NEK3: variants seen among roughly 807,000 people sequenced by gnomAD.
The protein encoded by NEK3 is serine/threonine-protein kinase Nek3.
A neutral mutation model predicts 66.0 loss-of-function variants in NEK3; 54 were observed. The observed-to-expected ratio is 0.82, with a 90% CI of 0.66 to 1.03. NEK3 has a LOEUF of 1.03. NEK3 is among the 50% of genes least tolerant of loss of function. The probability of loss-of-function intolerance (pLI) is 0.00; values close to 1 mark genes in which losing one functional copy is unlikely to be tolerated. For missense variants in NEK3, 593 were observed against 603.0 expected, an observed-to-expected ratio of 0.98 and a Z score of 0.17; for synonymous variants, 200 against 206.2, an observed-to-expected ratio of 0.97 and a Z score of 0.26.
intron 15 of NEK3, among the ~76,000 whole-genome samples, 193 bp downstream of exon 15, chr13:52,133,496 A>G (rs1249713736): frequency 6.6e-6 from 1 of 151,968 alleles, no homozygotes; most frequent in Non-Finnish European, 1.5e-5. Context: ...GAATTTTATA[A>G]TCATATTGTA....
intron 7 of NEK3, among the ~76,000 whole-genome samples, chr13:52,150,560 TG>T (rs933278912): frequency 3.3e-5 from 5 of 152,218 alleles, no homozygotes; most frequent in Non-Finnish European, 7.4e-5. Context: ...CAATCTTCCC[TG>T]CACATCCATC....
chr13:52,159,499 C>G (rs9535889), intron 1 of NEK3, 44 bp downstream of exon 1: 87,271 of 152,298 alleles, frequency 0.57, 27,075 homozygotes, highest in Middle Eastern at 0.71. Context: ...CACGCGCCGC[C>G]CTCCTCGTTC....
intron 5 of NEK3, among the ~76,000 whole-genome samples, chr13:52,151,898 A>G (rs1331471604): frequency 6.6e-6 from 1 of 152,194 alleles, no homozygotes; most frequent in Non-Finnish European, 1.5e-5. Flanking sequence ...TTGTATTCCA[A>G]TTGCCTAAGA....
chr13:52,133,246 A>C lies in NEK3; in HGVS notation c.1437-20T>G, dbSNP rs376310314. 105 of 1,573,352 alleles carry C rather than the reference A, an allele frequency of 6.7e-5. No homozygotes were observed. The highest frequency in any genetic ancestry group is 8.5e-5 in the Non-Finnish European group (98 of 1,153,300). On this transcript the variant is annotated intron_variant, in intron 15 of 15. Transcript: ENST00000610828. ...AAGTCCCTGTGAAAAAACAATTTGG[A>C]CCATAAACCTCTACATTAGGGGCAC...
intron 1 of NEK3, among the ~76,000 whole-genome samples, chr13:52,158,662 T>C (rs996882352): frequency 1.3e-5 from 2 of 152,168 alleles, no homozygotes; most frequent in African/African-American, 4.8e-5. Flanking sequence ...AAGACCTGAA[T>C]ACACTCTGGA....
intron 4 of NEK3, among the ~76,000 whole-genome samples, 172 bp from the exon 5 acceptor site, chr13:52,152,864 T>A (rs1956359259): frequency 6.6e-6 from 1 of 152,158 alleles, no homozygotes; most frequent in African/African-American, 2.4e-5. Flanking sequence ...CTTGGAGAAA[T>A]TCAGAAAAGC....
intron 8 of NEK3, among the ~76,000 whole-genome samples, chr13:52,145,323 C>T (rs1011159711): frequency 5.3e-5 from 8 of 152,124 alleles, no homozygotes; most frequent in Admixed American, 1.3e-4. Flanking sequence ...TTCAGACTTA[C>T]CCAGTTTTCT....
intron 1 of NEK3, among the ~76,000 whole-genome samples, chr13:52,157,899 C>T (rs1956408183): frequency 6.6e-6 from 1 of 152,190 alleles, no homozygotes; most frequent in Admixed American, 6.5e-5. Flanking sequence ...TATTTTGAGA[C>T]GGAGTCTCGC....
In NEK3 at chr13:52,151,404, A is replaced by G; in HGVS notation, c.394-12T>C. 1 of 1,569,678 alleles carries G rather than the reference A, an allele frequency of 6.4e-7. No homozygotes were observed. The highest frequency in any genetic ancestry group is 8.6e-7 in the Non-Finnish European group (1 of 1,156,448). On this transcript the variant is annotated splice_polypyrimidine_tract_variant and intron_variant, in intron 5 of 15. Transcript: ENST00000610828. ...GTGAGGAAGATATTCTGCATTTAAA[A>G]AGAAAAGCTCAGATTATGTCTTCTA...
Position 52,136,266 on chromosome 13 carries a change from T to G in NEK3, c.1031-7A>C. 6.2e-7 allele frequency: 1 copy of G among 1,613,326 alleles called. No homozygotes were observed. The highest frequency in any genetic ancestry group is 8.5e-7 in the Non-Finnish European group (1 of 1,179,526). The stretch of plus-strand genomic sequence containing the variant: ...AGATGGACTGACTTATTACCTGATT[T>G]TAAAGTGTGAAAAAGGAATGCCAAG... On this transcript the variant is annotated splice_polypyrimidine_tract_variant and splice_region_variant and intron_variant, in intron 12 of 15. Transcript: ENST00000610828.
intron 12 of NEK3, 140 bp downstream of exon 12, chr13:52,136,660 C>A: frequency 3.6e-6 from 2 of 550,218 alleles, no homozygotes; most frequent in Non-Finnish European, 3.2e-6. Flanking sequence ...TAAAATATTC[C>A]TAAAACATTA....
chr13:52,145,453 GC>G (rs1218868071), intron 8 of NEK3, among the ~76,000 whole-genome samples: 1 of 152,104 alleles, frequency 6.6e-6, no homozygotes, highest in East Asian at 1.9e-4. Context: ...ACAGGCATGT[GC>G]CACCGCGCCT....
intron 4 of NEK3, 109 bp downstream of exon 4, chr13:52,153,786 A>G: frequency 1.4e-6 from 1 of 722,052 alleles, no homozygotes; most frequent in Non-Finnish European, 2.3e-6. Context: ...ATTTCTATCT[A>G]CCTTCTCGGG....
intron 4 of NEK3, among the ~76,000 whole-genome samples, chr13:52,153,048 G>T (rs2138210683): frequency 1.3e-5 from 2 of 152,258 alleles, no homozygotes; most frequent in East Asian, 3.9e-4. Flanking sequence ...TAATCATTAT[G>T]TTGGATTTTC....
At chr13:52,155,633 T>C (rs1316769991) in intron 2 of NEK3, among the ~76,000 whole-genome samples, 2 of 152,220 alleles carry the variant, frequency 1.3e-5, no homozygotes, top group Non-Finnish European at 2.9e-5. Context: ...ATAAACCAAT[T>C]ACATCTTTTG....
At chr13:52,148,723 G>A (rs983985386) in intron 7 of NEK3, among the ~76,000 whole-genome samples, 7 of 152,158 alleles carry the variant, frequency 4.6e-5, no homozygotes, top group Admixed American at 1.3e-4. Flanking sequence ...TCAGTAGCAA[G>A]AGGGAATATT....
intron 14 of NEK3, 143 bp from the exon 15 acceptor site, chr13:52,133,958 C>A: frequency 1.3e-6 from 1 of 768,834 alleles, no homozygotes; most frequent in Non-Finnish European, 2.0e-6. Context: ...CCCACATTAC[C>A]CAACATGATT....
intron 1 of NEK3, among the ~76,000 whole-genome samples, chr13:52,159,047 C>G (rs1015431360): frequency 6.6e-6 from 1 of 152,208 alleles, no homozygotes; most frequent in Admixed American, 6.5e-5. Flanking sequence ...CCCAGCCGGT[C>G]AACTGTTTCA....
intron 5 of NEK3, 132 bp downstream of exon 5, chr13:52,152,477 G>C: frequency 2.0e-6 from 1 of 509,954 alleles, no homozygotes; most frequent in South Asian, 4.1e-5. Flanking sequence ...AATTTGAAAA[G>C]TAAATAACAA....
Sources: allele counts gnomAD v4.1 joint callset (sites outside exome capture counted in the v4.1 genomes callset), GRCh38; gene constraint gnomAD v4.1.1; transcripts MANE v1.5; gene names NCBI Gene and HGNC (gene_info 2026-07-23, HGNC 2026-07-21).